Variants in GLCCI1 observed in about 807,000 individuals in gnomAD.
GLCCI1 encodes the protein glucocorticoid-induced transcript 1 protein.
Under a neutral mutation model 52.2 loss-of-function variants are expected in GLCCI1, and 24 were observed. The ratio of observed to expected loss-of-function variants is 0.46; its 90% CI spans 0.33 to 0.65. GLCCI1 has a LOEUF of 0.65. Among genes scored for constraint, GLCCI1 ranks in the 30% least tolerant of loss-of-function variants. GLCCI1 has a pLI of 0.02. For missense variants in GLCCI1, 704 were observed against 701.5 expected (o/e 1.00, Z -0.04); for synonymous variants, 310 against 276.5 (o/e 1.12, Z -1.20).
At chr7:8,044,561 A>G (rs569275246) in intron 3 of GLCCI1, among the ~76,000 whole-genome samples, 12 of 151,602 alleles carry the variant, frequency 7.9e-5, no homozygotes, top group African/African-American at 2.4e-4. Context: ...TGTAGAGACA[A>G]TTTTTCGGCA....
intron 4 of GLCCI1, among the ~76,000 whole-genome samples, chr7:8,056,078 A>T (rs1782391867): frequency 6.6e-6 from 1 of 151,898 alleles, no homozygotes; most frequent in Non-Finnish European, 1.5e-5. Flanking sequence ...CAGGTGGATC[A>T]CTTGAGGTCA....
Position 8,047,442 on chromosome 7 carries a change from A to T in GLCCI1, c.697-7991A>T, listed in dbSNP as rs541772417. Among the ~76,000 whole-genome samples, 3 of 152,356 alleles carry T rather than the reference A, an allele frequency of 2.0e-5. No individual in the cohort carries two copies. In the East Asian group the frequency reaches 5.8e-4, roughly 29 times the overall value. On this transcript the variant is annotated intron_variant, in intron 3 of 7. Coordinates refer to ENST00000223145, the MANE Select transcript of GLCCI1 (RefSeq NM_138426.4). Reference sequence around the variant, plus strand: ...TAAGATGTCTGCTAAGGAAATAAGGATTTAATGAATACTTACCACTTTTTA... The same window carrying T: ...TAAGATGTCTGCTAAGGAAATAAGGTTTTAATGAATACTTACCACTTTTTA...
chr7:8,018,864 G>A (rs1781428070), intron 2 of GLCCI1, among the ~76,000 whole-genome samples: 1 of 152,096 alleles, frequency 6.6e-6, no homozygotes, highest in Non-Finnish European at 1.5e-5. Context: ...AACACCAAAG[G>A]CATGGTTATA....
chr7:8,078,208 TAAA>T (rs5882151), intron 6 of GLCCI1, among the ~76,000 whole-genome samples: 80 of 86,202 alleles, frequency 9.3e-4, no homozygotes, highest in African/African-American at 3.8e-3. Context: ...GACTCCGTCT[TAAA>T]AAAAAAAAAA....
chr7:7,975,966 C>G (rs1362193438), intron 1 of GLCCI1, among the ~76,000 whole-genome samples: 1 of 152,100 alleles, frequency 6.6e-6, no homozygotes, highest in Non-Finnish European at 1.5e-5. Context: ...AAGTTAATTA[C>G]ATATGGTGCT....
At chr7:7,983,365 G>T (rs1255781151) in intron 1 of GLCCI1, among the ~76,000 whole-genome samples, 1 of 152,094 alleles carries the variant, frequency 6.6e-6, no homozygotes, top group Non-Finnish European at 1.5e-5. Context: ...TAAAATAAAT[G>T]TATAGTGCAG....
chr7:8,032,898 T>A, intron 3 of GLCCI1, among the ~76,000 whole-genome samples: 1 of 152,026 alleles, frequency 6.6e-6, no homozygotes, highest in Non-Finnish European at 1.5e-5. Flanking sequence ...CTCTCCAATT[T>A]ATTTTTTCAG....
chr7:8,004,653 A>C lies in GLCCI1; in HGVS notation c.609+594A>C, dbSNP rs193101225. Among the ~76,000 whole-genome samples the C allele has an allele frequency of 1.6e-3, 240 of 152,352 alleles. 1 individual carries two copies. Among genetic ancestry groups the C allele is most frequent in the Non-Finnish European group, 2.2e-3 (147 of 68,022 alleles). On this transcript the variant is annotated intron_variant, in intron 2 of 7. Transcript: ENST00000223145. ...CATATCTTCATAACAGTAGTCAATCAGCATTTATTGGCATAAAGAAGAATA... is the reference window on the plus strand; with the variant it reads ...CATATCTTCATAACAGTAGTCAATCCGCATTTATTGGCATAAAGAAGAATA...
At chr7:7,979,266 T>A (rs1780557540) in intron 1 of GLCCI1, among the ~76,000 whole-genome samples, 1 of 152,048 alleles carries the variant, frequency 6.6e-6, no homozygotes, top group African/African-American at 2.4e-5. Context: ...CAGAGTGACC[T>A]CTTAGTTTGT....
chr7:7,976,534 A>G (rs529441414), intron 1 of GLCCI1, among the ~76,000 whole-genome samples: 1 of 150,902 alleles, frequency 6.6e-6, no homozygotes, highest in Non-Finnish European at 1.5e-5. Context: ...GAAAAAGGAA[A>G]TAAAAGAAAG....
At chr7:8,037,053 A>G (rs1216377956) in intron 3 of GLCCI1, among the ~76,000 whole-genome samples, 1 of 152,054 alleles carries the variant, frequency 6.6e-6, no homozygotes, top group African/African-American at 2.4e-5. Flanking sequence ...GCTCAAGGAA[A>G]TCCAAAAGAT....
At chr7:8,061,168 C>T (rs566158288) in intron 5 of GLCCI1, among the ~76,000 whole-genome samples, 5 of 149,774 alleles carry the variant, frequency 3.3e-5, no homozygotes, top group African/African-American at 9.9e-5. Context: ...GGCGTGATCT[C>T]GGCTCACTGC....
intron 3 of GLCCI1, among the ~76,000 whole-genome samples, chr7:8,026,259 CA>C (rs1781617420): frequency 6.6e-6 from 1 of 151,216 alleles, no homozygotes. Context: ...AAGATAACTC[CA>C]AAAATGTAAA....
At chr7:8,072,643 T>C (rs962324441) in intron 6 of GLCCI1, among the ~76,000 whole-genome samples, 3 of 152,186 alleles carry the variant, frequency 2.0e-5, no homozygotes, top group Non-Finnish European at 4.4e-5. Flanking sequence ...TAATAGTAAC[T>C]TGTTTTAGGT....
At chr7:7,972,958 G>GT (rs924158442) in intron 1 of GLCCI1, among the ~76,000 whole-genome samples, 4 of 151,516 alleles carry the variant, frequency 2.6e-5, no homozygotes, top group Admixed American at 1.3e-4. Context: ...CTTTTTGCTT[G>GT]TTTTTTTTCT....
At chr7:8,035,139 G>A (rs1471952168) in intron 3 of GLCCI1, among the ~76,000 whole-genome samples, 1 of 152,226 alleles carries the variant, frequency 6.6e-6, no homozygotes, top group Non-Finnish European at 1.5e-5. Context: ...ACCCAGGGGA[G>A]CTGCAGGATT....
chr7:7,973,759 C>G (rs1433749757), intron 1 of GLCCI1, among the ~76,000 whole-genome samples: 1 of 152,024 alleles, frequency 6.6e-6, no homozygotes, highest in African/African-American at 2.4e-5. Flanking sequence ...TGATTCTATT[C>G]TAAAAGATAA....
intron 3 of GLCCI1, among the ~76,000 whole-genome samples, chr7:8,043,424 T>G (rs977750245): frequency 6.6e-5 from 10 of 152,092 alleles, no homozygotes; most frequent in African/African-American, 2.2e-4. Flanking sequence ...AGGCTAGATA[T>G]GGCCAGCAGA....
chr7:8,030,777 C>G (rs559771186), intron 3 of GLCCI1, among the ~76,000 whole-genome samples: 1 of 151,958 alleles, frequency 6.6e-6, no homozygotes, highest in Non-Finnish European at 1.5e-5. Flanking sequence ...AACAGGCATA[C>G]GAAAAGGTGC....
Sources: allele counts gnomAD v4.1 joint callset (sites outside exome capture counted in the v4.1 genomes callset), GRCh38; gene constraint gnomAD v4.1.1; transcripts MANE v1.5; gene names NCBI Gene and HGNC (gene_info 2026-07-23, HGNC 2026-07-21).